VEPH1: variants seen among roughly 807,000 people sequenced by gnomAD.
VEPH1 encodes the protein ventricular zone expressed PH domain containing 1.
A neutral mutation model predicts 85.2 loss-of-function variants in VEPH1; 80 were observed. That is an observed-to-expected ratio of 0.94 (90% CI 0.78 to 1.13). The LOEUF is 1.13. Ranked by LOEUF, VEPH1 falls within the 50% of genes most tolerant of loss-of-function variation. The pLI, the probability that VEPH1 is intolerant of heterozygous loss-of-function variation, is 0.00. For synonymous variants in VEPH1, 297 were observed against 348.0 expected (o/e 0.85, Z 1.63); for missense variants, 955 against 980.5 (o/e 0.97, Z 0.35).
intron 4 of VEPH1, chr3:157,442,352 T>G: frequency 6.4e-7 from 1 of 1,554,142 alleles, no homozygotes; most frequent in Non-Finnish European, 8.8e-7. Context: ...CTTCTTATTT[T>G]CTTGCTACTC....
At chr3:157,283,576 T>A (rs1716407921) in intron 12 of VEPH1, among the ~76,000 whole-genome samples, 2 of 152,216 alleles carry the variant, frequency 1.3e-5, no homozygotes, top group African/African-American at 2.4e-5. Context: ...AGGATGGTGA[T>A]GAGACTTACT....
chr3:157,500,293 T>G (rs1412065360), intron 1 of VEPH1, among the ~76,000 whole-genome samples: 2 of 152,212 alleles, frequency 1.3e-5, no homozygotes, highest in African/African-American at 4.8e-5. Flanking sequence ...GACCCCTAAG[T>G]CGTCTGTTCC....
intron 11 of VEPH1, among the ~76,000 whole-genome samples, chr3:157,297,521 G>C (rs1718280800): frequency 6.6e-6 from 1 of 152,144 alleles, no homozygotes; most frequent in Admixed American, 6.5e-5. Context: ...TGAGTGTAAT[G>C]ATAAAGACAT....
chr3:157,284,209 T>G (rs939890667), intron 12 of VEPH1, among the ~76,000 whole-genome samples: 1 of 152,172 alleles, frequency 6.6e-6, no homozygotes, highest in Non-Finnish European at 1.5e-5. Flanking sequence ...AAAAATATTA[T>G]TCATTCATTC....
chr3:157,331,682 A>G (rs1185730820), intron 9 of VEPH1, among the ~76,000 whole-genome samples: 1 of 152,210 alleles, frequency 6.6e-6, no homozygotes, highest in Non-Finnish European at 1.5e-5. Flanking sequence ...CAGCTCTTTC[A>G]TGGTTTGTGT....
chr3:157,367,509 T>C (rs1726842977), intron 7 of VEPH1, among the ~76,000 whole-genome samples: 1 of 152,238 alleles, frequency 6.6e-6, no homozygotes. Context: ...GAAACTAAAA[T>C]ATTTCTCTGG....
At chr3:157,317,658 G>A (rs1720884605) in intron 9 of VEPH1, among the ~76,000 whole-genome samples, 1 of 152,166 alleles carries the variant, frequency 6.6e-6, no homozygotes, top group East Asian at 1.9e-4. Context: ...CTCTGGCTGA[G>A]GTGTAGCTTC....
At chr3:157,434,819 T>C (rs890148935) in intron 4 of VEPH1, among the ~76,000 whole-genome samples, 7 of 152,192 alleles carry the variant, frequency 4.6e-5, no homozygotes, top group Non-Finnish European at 8.8e-5. Context: ...GCACCTTCTA[T>C]TCGGATGCCT....
At chr3:157,268,049 C>G (rs1056577782) in intron 12 of VEPH1, among the ~76,000 whole-genome samples, 3 of 152,196 alleles carry the variant, frequency 2.0e-5, no homozygotes, top group African/African-American at 7.2e-5. Flanking sequence ...TATAAACTTA[C>G]AATTAATATC....
rs555290183 is a variant in VEPH1 at position 157,393,035 on chromosome 3, T to C, written c.907-11659A>G. The stretch of plus-strand genomic sequence containing the variant: ...GGGTAGAAGACTACTGAAAAATGTT[T>C]TCCTCCCAGATAAAAAGAGATGGAA... On this transcript the variant is annotated intron_variant, in intron 6 of 13. Coordinates refer to ENST00000362010, the MANE Select transcript of VEPH1 (RefSeq NM_001167912.2). Among the ~76,000 whole-genome samples the C allele has an allele frequency of 5.9e-5, 9 of 152,320 alleles. No individual in the cohort carries two copies. The South Asian group carries it at 1.7e-3, about 28-fold the overall frequency.
chr3:157,394,174 C>G (rs1420884654), intron 6 of VEPH1, among the ~76,000 whole-genome samples: 1 of 152,164 alleles, frequency 6.6e-6, no homozygotes, highest in East Asian at 1.9e-4. Flanking sequence ...AAAGTGTCGA[C>G]TGTTCAAAAT....
At chr3:157,300,140 G>C (rs62281373) in intron 11 of VEPH1, among the ~76,000 whole-genome samples, 29,052 of 151,954 alleles carry the variant, frequency 0.19, 3,235 homozygotes, top group Non-Finnish European at 0.27. Context: ...TAATAGTATA[G>C]TGCCTGGTGT....
At position 157,463,710 on chromosome 3, in the gene VEPH1, G is replaced by C. The variant is rs555521179; in HGVS notation, c.355-3355C>G. ...ACTCACACCAAAGGATTTCCAAAAG[G>C]CTGGTACATAACCAGGCATGCCAGT... On this transcript the variant is annotated intron_variant, in intron 3 of 13. Transcript: ENST00000362010. 3.9e-5 allele frequency among the ~76,000 whole-genome samples: 6 copies of C among 152,262 alleles called. No individual in the cohort carries two copies. The East Asian group carries it at 9.6e-4, about 24-fold the overall frequency.
At position 157,333,107 on chromosome 3, in the gene VEPH1, C is replaced by A. The variant is rs547201291; in HGVS notation, c.1736-15906G>T. Among the ~76,000 whole-genome samples the A allele has an allele frequency of 1.4e-4, 21 of 152,172 alleles. 1 individual carries two copies. The South Asian group carries it at 4.2e-3, about 30-fold the overall frequency. Reference sequence around the variant, plus strand: ...GTTTCTGATATTTCCAGGAATTTGGCCAGTAATACTTCCCAAAGTAGGAAT... The same window carrying A: ...GTTTCTGATATTTCCAGGAATTTGGACAGTAATACTTCCCAAAGTAGGAAT... On this transcript the variant is annotated intron_variant, in intron 9 of 13. Coordinates refer to ENST00000362010, the MANE Select transcript of VEPH1 (RefSeq NM_001167912.2).
intron 12 of VEPH1, among the ~76,000 whole-genome samples, chr3:157,276,437 C>T (rs904696334): frequency 5.3e-5 from 8 of 152,276 alleles, no homozygotes; most frequent in Middle Eastern, 3.4e-3. Context: ...GGGTGAGAAG[C>T]CTTGCATGTT....
At chr3:157,351,307 G>GT (rs1209731143) in intron 9 of VEPH1, among the ~76,000 whole-genome samples, 1 of 152,128 alleles carries the variant, frequency 6.6e-6, no homozygotes, top group African/African-American at 2.4e-5. Context: ...TTAGCCTGGA[G>GT]TGGTAGCGCA....
At chr3:157,474,552 T>A (rs1309466058) in intron 2 of VEPH1, among the ~76,000 whole-genome samples, 1 of 152,216 alleles carries the variant, frequency 6.6e-6, no homozygotes, top group Non-Finnish European at 1.5e-5. Flanking sequence ...CGATTCTTAA[T>A]AGTAAAAAAT....
At chr3:157,451,331 T>C (rs559569438) in intron 4 of VEPH1, among the ~76,000 whole-genome samples, 1 of 152,312 alleles carries the variant, frequency 6.6e-6, no homozygotes, top group Non-Finnish European at 1.5e-5. Context: ...AAGATAACAT[T>C]CCAATTATAC....
At chr3:157,303,128 A>T (rs1167049409) in intron 11 of VEPH1, among the ~76,000 whole-genome samples, 1 of 152,192 alleles carries the variant, frequency 6.6e-6, no homozygotes, top group Non-Finnish European at 1.5e-5. Flanking sequence ...CTAATACACC[A>T]AAGCTTTTCC....
Sources: allele counts gnomAD v4.1 joint callset (sites outside exome capture counted in the v4.1 genomes callset), GRCh38; gene constraint gnomAD v4.1.1; transcripts MANE v1.5; gene names NCBI Gene and HGNC (gene_info 2026-07-23, HGNC 2026-07-21).